The following CADPS variants were observed in gnomAD, a reference collection of about 807,000 sequenced individuals.
The protein encoded by CADPS is calcium-dependent secretion activator 1.
A neutral mutation model predicts 167.3 loss-of-function variants in CADPS; 57 were observed. The observed-to-expected ratio is 0.34, with a 90% confidence interval of 0.28 to 0.42. The LOEUF (loss-of-function observed/expected upper bound fraction) is 0.42. Ranked by LOEUF, CADPS falls within the 20% of genes least tolerant of loss-of-function variation. The pLI is 1.00. For synonymous variants in CADPS, 676 were observed against 635.3 expected (o/e 1.06, Z -0.96); for missense variants, 1,414 against 1,738.1 (o/e 0.81, Z 3.32).
intron 1 of CADPS, among the ~76,000 whole-genome samples, chr3:62,776,608 T>G (rs1166504674): frequency 6.6e-6 from 1 of 152,024 alleles, no homozygotes; most frequent in Non-Finnish European, 1.5e-5. Context: ...GAGTGGAGAT[T>G]GCGCCACTGC....
intron 1 of CADPS, among the ~76,000 whole-genome samples, chr3:62,776,251 C>G (rs1388748754): frequency 1.3e-5 from 2 of 152,230 alleles, no homozygotes; most frequent in African/African-American, 2.4e-5. Flanking sequence ...AGGCAGAGAA[C>G]AGAACACAGT....
chr3:62,805,450 G>A (rs544954843), intron 1 of CADPS, among the ~76,000 whole-genome samples: 1 of 152,122 alleles, frequency 6.6e-6, no homozygotes, highest in Non-Finnish European at 1.5e-5. Context: ...TCACACTGGG[G>A]TTGGTCTGAC....
rs34651999 is a variant in CADPS, at chr3:62,769,226, C to CTT, written c.442-3244_442-3243dup. Among the ~76,000 whole-genome samples, 240 of 146,706 alleles carry CTT rather than the reference C, an allele frequency of 1.6e-3. 1 individual carries two copies. The highest frequency in any genetic ancestry group is 3.3e-3 in the African/African-American group (134 of 40,130). On this transcript the variant is annotated intron_variant, in intron 1 of 29. Transcript: ENST00000383710. ...AGCTACTGTGATGATTAATTCTCAT[C>CTT]TTTTTTTTTTTTTAAAACAAACAAA...
At chr3:62,427,547 C>T (rs1488046554) in intron 28 of CADPS, among the ~76,000 whole-genome samples, 5 of 152,292 alleles carry the variant, frequency 3.3e-5, no homozygotes, top group African/African-American at 1.2e-4. Flanking sequence ...GCACTGGCCT[C>T]TGCTTGCTAG....
chr3:62,525,625 T>C (rs562378265), intron 13 of CADPS, among the ~76,000 whole-genome samples: 1 of 152,068 alleles, frequency 6.6e-6, no homozygotes, highest in African/African-American at 2.4e-5. Flanking sequence ...ACACAGTTTT[T>C]GCCCTTTATC....
intron 3 of CADPS, among the ~76,000 whole-genome samples, chr3:62,664,055 C>T (rs181156916): frequency 2.0e-5 from 3 of 152,124 alleles, no homozygotes; most frequent in East Asian, 3.9e-4. Context: ...TTGCCCAGGC[C>T]GGAGTGCAGT....
intron 3 of CADPS, among the ~76,000 whole-genome samples, chr3:62,748,562 G>A (rs1416602182): frequency 1.3e-5 from 2 of 152,088 alleles, no homozygotes; most frequent in African/African-American, 2.4e-5. Flanking sequence ...TAAAGGGAAA[G>A]GGGAGAGATG....
chr3:62,839,270 C>A (rs978761975), intron 1 of CADPS, among the ~76,000 whole-genome samples: 6 of 152,122 alleles, frequency 3.9e-5, no homozygotes, highest in Non-Finnish European at 5.9e-5. Flanking sequence ...TCTTAGCTCA[C>A]TGCAACCTCT....
In CADPS at chr3:62,547,593, C is replaced by A. The variant is rs575710208; in HGVS notation, c.1966+2310G>T. ...AGGGATGATATCATTTACGCCCCCC[C>A]CCCCCCGCAAATTCTAACTCTTAGG... On this transcript the variant is annotated intron_variant, in intron 11 of 29. Transcript: ENST00000383710. Among the ~76,000 whole-genome samples, 36 of 108,266 alleles carry A rather than the reference C, an allele frequency of 3.3e-4. 7 individuals carry two copies. The highest frequency in any genetic ancestry group is 1.2e-3 in the East Asian group (4 of 3,214). The allele number at this position is 108,266 out of a possible 152,430, so 71.0% of individuals were successfully genotyped here.
At chr3:62,598,177 CA>C (rs1264002600) in intron 6 of CADPS, among the ~76,000 whole-genome samples, 1 of 152,070 alleles carries the variant, frequency 6.6e-6, no homozygotes, top group Non-Finnish European at 1.5e-5. Context: ...AGCATTAAAT[CA>C]AATGGGGGCC....
At chr3:62,435,273 C>G (rs1006894122) in intron 28 of CADPS, among the ~76,000 whole-genome samples, 1 of 152,134 alleles carries the variant, frequency 6.6e-6, no homozygotes, top group South Asian at 2.1e-4. Flanking sequence ...TTCACAGACC[C>G]TTCTGCCTTG....
chr3:62,600,481 C>G (rs1284373601), intron 6 of CADPS, among the ~76,000 whole-genome samples: 1 of 152,166 alleles, frequency 6.6e-6, no homozygotes, highest in Non-Finnish European at 1.5e-5. Flanking sequence ...CTATTCCAAA[C>G]CAAATACTTC....
chr3:62,808,330 T>G (rs1335174071), intron 1 of CADPS, among the ~76,000 whole-genome samples: 5 of 151,518 alleles, frequency 3.3e-5, no homozygotes, highest in African/African-American at 1.2e-4. Context: ...CTTAGAGAGG[T>G]CAAGAGGCAG....
intron 1 of CADPS, among the ~76,000 whole-genome samples, chr3:62,861,012 C>T (rs527544810): frequency 5.9e-5 from 9 of 152,210 alleles, no homozygotes; most frequent in African/African-American, 1.9e-4. Context: ...AAGTTTTCTC[C>T]CCAGATTCCA....
At chr3:62,708,897 A>G (rs547690747) in intron 3 of CADPS, among the ~76,000 whole-genome samples, 1 of 152,136 alleles carries the variant, frequency 6.6e-6, no homozygotes, top group East Asian at 1.9e-4. Flanking sequence ...AGCAGAAAGC[A>G]AGTGCAGACA....
chr3:62,703,271 C>T (rs2081748207), intron 3 of CADPS, among the ~76,000 whole-genome samples: 1 of 152,094 alleles, frequency 6.6e-6, no homozygotes, highest in African/African-American at 2.4e-5. Context: ...GCTGAACGAC[C>T]CAATGAATGA....
chr3:62,687,251 G>A (rs181816886), intron 3 of CADPS, among the ~76,000 whole-genome samples: 42 of 152,194 alleles, frequency 2.8e-4, no homozygotes, highest in Non-Finnish European at 3.5e-4. Flanking sequence ...AATTTAAAAT[G>A]GCTAAAATTC....
intron 13 of CADPS, chr3:62,530,522 C>A: frequency 4.0e-6 from 2 of 501,498 alleles, no homozygotes; most frequent in Non-Finnish European, 2.7e-6. Context: ...AAAATTGCAC[C>A]TTTGAAAATG....
At chr3:62,623,546 A>T (rs2063508763) in intron 6 of CADPS, among the ~76,000 whole-genome samples, 2 of 152,196 alleles carry the variant, frequency 1.3e-5, no homozygotes, top group Admixed American at 6.5e-5. Flanking sequence ...TTGGCATATA[A>T]GAAGATAATA....
Sources: allele counts gnomAD v4.1 joint callset (sites outside exome capture counted in the v4.1 genomes callset), GRCh38; gene constraint gnomAD v4.1.1; transcripts MANE v1.5; gene names NCBI Gene and HGNC (gene_info 2026-07-23, HGNC 2026-07-21).